Variants in SPON1 observed in about 807,000 individuals in gnomAD.
SPON1 encodes spondin-1.
In SPON1, 52 loss-of-function variants were observed where a neutral mutation model predicts 111.7. The observed-to-expected ratio is 0.47, with a 90% CI of 0.37 to 0.59. The LOEUF is 0.59. Among genes scored for constraint, SPON1 ranks in the 20% least tolerant of loss-of-function variants. The pLI is 0.00. For missense variants in SPON1, 957 were observed against 1,068.5 expected, an observed-to-expected ratio of 0.90 and a Z score of 1.46; for synonymous variants, 410 against 395.8, an observed-to-expected ratio of 1.04 and a Z score of -0.43.
At chr11:14,230,141 G>T (rs988648168) in intron 6 of SPON1, among the ~76,000 whole-genome samples, 1 of 152,112 alleles carries the variant, frequency 6.6e-6, no homozygotes, top group African/African-American at 2.4e-5. Context: ...CTGTTACTTT[G>T]CATTTAAATA....
chr11:14,118,948 A>G lies in SPON1; in HGVS notation c.677-16472A>G, dbSNP rs572269867. Among the ~76,000 whole-genome samples the G allele has an allele frequency of 4.4e-4, 67 of 152,230 alleles. 3 individuals carry two copies. The highest frequency in any genetic ancestry group is 1.3e-4 in the Non-Finnish European group (9 of 68,034). On this transcript the variant is annotated intron_variant, in intron 5 of 15. Transcript: ENST00000576479. ...GTATTAGCTGATACCTGTGAAGGAC[A>G]TGATGCAGGGAACATGCTCAATAAT...
chr11:14,176,850 CAAGCCCTTA>C (rs1379789227), intron 6 of SPON1, among the ~76,000 whole-genome samples: 10 of 152,150 alleles, frequency 6.6e-5, no homozygotes, highest in Non-Finnish European at 1.5e-4. Context: ...CAATCCCAGA[CAAGCCCTTA>C]AATTTGTAAC....
In SPON1 at chr11:13,997,529, C is replaced by T. The variant is rs1848282810; in HGVS notation, c.345+14576C>T. Among the ~76,000 whole-genome samples, 6 of 152,204 alleles carry T rather than the reference C, an allele frequency of 3.9e-5. No homozygotes were observed. In the South Asian group the frequency reaches 1.2e-3, roughly 31 times the overall value. On this transcript the variant is annotated intron_variant, in intron 2 of 15. Coordinates refer to ENST00000576479, the MANE Select transcript of SPON1 (RefSeq NM_006108.4). ...CAATCAATGCCTCCTACTTCTGAGC[C>T]AGCAGCCTAGGGTGCATTTTCCACA... is the stretch of plus-strand genomic sequence containing the variant.
At chr11:14,214,667 G>C (rs1252375599) in intron 6 of SPON1, among the ~76,000 whole-genome samples, 1 of 152,198 alleles carries the variant, frequency 6.6e-6, no homozygotes, top group Non-Finnish European at 1.5e-5. Context: ...CATCAGGCTA[G>C]AAAAATGGGA....
chr11:14,102,439 A>G (rs1169169888), intron 5 of SPON1, among the ~76,000 whole-genome samples: 1 of 152,204 alleles, frequency 6.6e-6, no homozygotes, highest in Non-Finnish European at 1.5e-5. Flanking sequence ...CTTTTTCATA[A>G]TATGATCCAT....
chr11:14,151,261 A>G (rs1554929905), intron 6 of SPON1, among the ~76,000 whole-genome samples: 1 of 152,220 alleles, frequency 6.6e-6, no homozygotes, highest in East Asian at 1.9e-4. Flanking sequence ...CTTGTAGCCC[A>G]TAGAAGATGT....
chr11:14,091,147 T>G lies in SPON1; in HGVS notation c.676+11126T>G, dbSNP rs1849052253. 5.9e-5 allele frequency among the ~76,000 whole-genome samples: 9 copies of G among 152,242 alleles called. No individual in the cohort carries two copies. In the South Asian group the frequency reaches 1.9e-3, roughly 32 times the overall value. On this transcript the variant is annotated intron_variant, in intron 5 of 15. Transcript: ENST00000576479. ...GAGCAGCTAGATACAGAGTGTCGAT[T>G]GGTGCACTCACAAACCTTGAGCGAG...
chr11:14,103,586 G>A (rs1370936883), intron 5 of SPON1, among the ~76,000 whole-genome samples: 1 of 152,210 alleles, frequency 6.6e-6, no homozygotes, highest in African/African-American at 2.4e-5. Context: ...TCCTGGGTCA[G>A]GATAGCCTTT....
At chr11:14,058,576 C>T (rs1475672170) in intron 3 of SPON1, among the ~76,000 whole-genome samples, 4 of 152,126 alleles carry the variant, frequency 2.6e-5, no homozygotes, top group Admixed American at 1.3e-4. Flanking sequence ...GACCTGCAAG[C>T]AGGTGGAGCA....
chr11:13,983,066 CG>C, intron 2 of SPON1, 113 bp downstream of exon 2: 1 of 666,712 alleles, frequency 1.5e-6, no homozygotes, highest in South Asian at 1.9e-5. Context: ...CGTTGGCCAA[CG>C]GGGGCAGGTC....
intron 5 of SPON1, among the ~76,000 whole-genome samples, chr11:14,130,457 G>C (rs1220912673): frequency 1.3e-5 from 2 of 152,066 alleles, no homozygotes; most frequent in African/African-American, 2.4e-5. Flanking sequence ...TCTCTGTGTT[G>C]TGTTTGTTCT....
Position 14,266,358 on chromosome 11 carries a change from A to T in SPON1, c.*671A>T, listed in dbSNP as rs1554942500. The T allele has an allele frequency of 6.6e-6, 1 of 152,188 alleles. No homozygotes were observed. The highest frequency in any genetic ancestry group is 6.5e-5 in the Admixed American group (1 of 15,280). 9.4% of individuals were successfully genotyped at this position (152,188 alleles called of 1,614,324 possible). A position where few individuals can be genotyped will look rare whatever the true frequency, so the allele number is the denominator to read the frequency against. On this transcript the variant is annotated 3_prime_UTR_variant, in exon 16 of 16. Coordinates refer to ENST00000576479, the MANE Select transcript of SPON1 (RefSeq NM_006108.4). ...AATAAATTATGGCTGCTTTATTTAA[A>T]TATAAGGTAGCTAGTTTTTACACCT...
At chr11:14,264,256 T>C (rs1211472077) in intron 15 of SPON1, among the ~76,000 whole-genome samples, 5 of 152,050 alleles carry the variant, frequency 3.3e-5, no homozygotes, top group Non-Finnish European at 7.4e-5. Flanking sequence ...CCTGATTCTG[T>C]AGGTGGTTTT....
At chr11:14,176,847 A>G (rs919306111) in intron 6 of SPON1, among the ~76,000 whole-genome samples, 1 of 152,278 alleles carries the variant, frequency 6.6e-6, no homozygotes, top group East Asian at 1.9e-4. Context: ...GGGCAATCCC[A>G]GACAAGCCCT....
At chr11:14,080,931 T>C (rs1043858776) in intron 5 of SPON1, among the ~76,000 whole-genome samples, 12 of 152,188 alleles carry the variant, frequency 7.9e-5, no homozygotes, top group Admixed American at 5.9e-4. Context: ...CTGGGCATGG[T>C]GGCACATGCC....
In SPON1 at chr11:14,225,202, G is replaced by A. The variant is rs548647972; in HGVS notation, c.826-18130G>A. ...ATAAATGTCACACTCGGGCATACCA[G>A]CATGTCTTTTTTTCTGGCTTACAAT... On this transcript the variant is annotated intron_variant, in intron 6 of 15. Coordinates refer to ENST00000576479, the MANE Select transcript of SPON1 (RefSeq NM_006108.4). Among the ~76,000 whole-genome samples the A allele has an allele frequency of 8.5e-5, 13 of 152,232 alleles. No individual in the cohort carries two copies. In the South Asian group the frequency reaches 2.3e-3, roughly 27 times the overall value.
chr11:14,063,527 T>C (rs945937897), intron 3 of SPON1, among the ~76,000 whole-genome samples: 4 of 152,166 alleles, frequency 2.6e-5, no homozygotes, highest in Admixed American at 2.6e-4. Flanking sequence ...CCGGATTTTG[T>C]AGCTTACATA....
At chr11:14,216,415 G>T (rs1378076395) in intron 6 of SPON1, among the ~76,000 whole-genome samples, 2 of 152,194 alleles carry the variant, frequency 1.3e-5, no homozygotes, top group Non-Finnish European at 2.9e-5. Context: ...CTGCCTATTT[G>T]AATCTCTCAC....
At chr11:13,997,801 G>A (rs1271536369) in intron 2 of SPON1, among the ~76,000 whole-genome samples, 2 of 152,174 alleles carry the variant, frequency 1.3e-5, no homozygotes, top group Non-Finnish European at 1.5e-5. Flanking sequence ...TCTGTTCAAT[G>A]TGGGTGGTTG....
Sources: gnomAD v4.1 joint callset for allele counts (sites outside exome capture counted in the v4.1 genomes callset) on GRCh38, gnomAD v4.1.1 for gene constraint, MANE v1.5 for transcripts, NCBI Gene and HGNC (gene_info 2026-07-23, HGNC 2026-07-21) for gene names.